Variants in CNTLN observed in about 807,000 individuals in gnomAD.
CNTLN encodes the protein centlein.
Under a neutral mutation model 180.0 loss-of-function variants are expected in CNTLN, and 212 were observed. That is an observed-to-expected ratio of 1.18 (90% CI 1.05 to 1.32). The LOEUF is 1.32. Among genes scored for constraint, CNTLN ranks in the 40% most tolerant of loss-of-function variants. CNTLN has a pLI of 0.00. For synonymous variants in CNTLN, 722 were observed against 563.1 expected (o/e 1.28, Z -3.99); for missense variants, 2,095 against 1,610.9 (o/e 1.30, Z -5.14).
At chr9:17,224,174 A>G (rs1280607546) in intron 2 of CNTLN, among the ~76,000 whole-genome samples, 1 of 152,004 alleles carries the variant, frequency 6.6e-6, no homozygotes, top group Non-Finnish European at 1.5e-5. Flanking sequence ...TATTATACTG[A>G]TAGCAATTTG....
chr9:17,470,886 A>T (rs1461233816), intron 23 of CNTLN, among the ~76,000 whole-genome samples: 1 of 152,080 alleles, frequency 6.6e-6, no homozygotes, highest in Non-Finnish European at 1.5e-5. Flanking sequence ...TTTGGTATAT[A>T]AATTTCTTGC....
intron 18 of CNTLN, among the ~76,000 whole-genome samples, chr9:17,418,155 G>A (rs568774576): frequency 2.0e-5 from 3 of 151,752 alleles, no homozygotes; most frequent in Non-Finnish European, 2.9e-5. Flanking sequence ...TGATAGAAAG[G>A]TCCAAGAACA....
chr9:17,412,860 C>T (rs1365491734), intron 16 of CNTLN, among the ~76,000 whole-genome samples: 1 of 151,824 alleles, frequency 6.6e-6, no homozygotes, highest in Non-Finnish European at 1.5e-5. Context: ...TATGGACAGG[C>T]CTAAAACAAA....
At chr9:17,392,607 A>G (rs1826195615) in intron 14 of CNTLN, among the ~76,000 whole-genome samples, 2 of 152,180 alleles carry the variant, frequency 1.3e-5, no homozygotes, top group Non-Finnish European at 1.5e-5. Context: ...TTTTTCAGAT[A>G]CCTTTATTCC....
At chr9:17,221,555 T>A (rs1381207881) in intron 2 of CNTLN, among the ~76,000 whole-genome samples, 1 of 152,076 alleles carries the variant, frequency 6.6e-6, no homozygotes, top group Non-Finnish European at 1.5e-5. Context: ...TTTGCAAAAT[T>A]TCCAGTGTGG....
Position 17,466,347 on chromosome 9 carries a change from A to C in CNTLN, c.3669+229A>C, listed in dbSNP as rs1260857801. Among the ~76,000 whole-genome samples, 4 of 151,588 alleles carry C rather than the reference A, an allele frequency of 2.6e-5. No individual in the cohort carries two copies. In the East Asian group the frequency reaches 5.8e-4, roughly 22 times the overall value. ...TGTTTGTCTTGATAGTTTTTAAGAA[A>C]TGAAAACTATTATTGAACACTGGTA... On this transcript the variant is annotated intron_variant, in intron 22 of 25. Transcript: ENST00000380647.
chr9:17,357,599 CT>C (rs1361569586), intron 12 of CNTLN, among the ~76,000 whole-genome samples: 3 of 144,216 alleles, frequency 2.1e-5, no homozygotes, highest in South Asian at 4.4e-4. Flanking sequence ...TATATAAATA[CT>C]ACATATATAT....
chr9:17,513,400 A>T, the CNTLN span, among the ~76,000 whole-genome samples: 11 of 152,304 alleles, frequency 7.2e-5, no homozygotes, highest in South Asian at 1.0e-3. Context: ...GAACTTAAGA[A>T]ATATAAAATA....
chr9:17,280,487 C>G (rs1181199587), intron 6 of CNTLN, among the ~76,000 whole-genome samples: 1 of 152,012 alleles, frequency 6.6e-6, no homozygotes, highest in African/African-American at 2.4e-5. Context: ...TTTACATAGC[C>G]TAGTAAACAG....
chr9:17,174,156 TG>T (rs1207973940), intron 2 of CNTLN, among the ~76,000 whole-genome samples: 1 of 152,254 alleles, frequency 6.6e-6, no homozygotes, highest in African/African-American at 2.4e-5. Flanking sequence ...TTCAAATTTT[TG>T]TATATATCAG....
chr9:17,223,041 A>G (rs1238509974), intron 2 of CNTLN, among the ~76,000 whole-genome samples: 4 of 152,050 alleles, frequency 2.6e-5, no homozygotes, highest in African/African-American at 9.7e-5. Context: ...AACCATGGAT[A>G]GCACTGAACC....
intron 7 of CNTLN, among the ~76,000 whole-genome samples, chr9:17,304,572 A>G (rs957635163): frequency 7.9e-5 from 12 of 152,176 alleles, no homozygotes; most frequent in Non-Finnish European, 1.3e-4. Flanking sequence ...ATTTTTGGCT[A>G]TAAATAGTAC....
At chr9:17,163,716 G>A (rs1819845297) in intron 2 of CNTLN, among the ~76,000 whole-genome samples, 1 of 152,150 alleles carries the variant, frequency 6.6e-6, no homozygotes, top group Non-Finnish European at 1.5e-5. Context: ...GAATAAATAA[G>A]TGTATTTGCA....
intron 5 of CNTLN, among the ~76,000 whole-genome samples, chr9:17,250,496 A>G (rs757085107): frequency 6.6e-6 from 1 of 151,750 alleles, no homozygotes; most frequent in African/African-American, 2.4e-5. Flanking sequence ...TTGTTTGTTT[A>G]GTATATATGT....
intron 3 of CNTLN, 90 bp from the exon 4 acceptor site, chr9:17,235,568 A>T (rs1399646116): frequency 1.0e-5 from 11 of 1,052,440 alleles, no homozygotes; most frequent in Non-Finnish European, 1.5e-5. Flanking sequence ...TAATCATCAC[A>T]TTAGCAAATC....
chr9:17,463,955 C>T (rs1444961640), intron 20 of CNTLN, among the ~76,000 whole-genome samples: 1 of 133,832 alleles, frequency 7.5e-6, no homozygotes, highest in Non-Finnish European at 1.7e-5. Flanking sequence ...GCAGCAGCAG[C>T]AGTAGCAGTG....
In CNTLN at chr9:17,462,940, CA is replaced by C; in HGVS notation, c.3332del (p.Gln1111ArgfsTer5). On this transcript the variant is annotated frameshift_variant, in exon 20 of 26. Coordinates refer to ENST00000380647, the MANE Select transcript of CNTLN (RefSeq NM_017738.4). LOFTEE classifies it high-confidence loss of function. ...GAATGCTACTAATGAACTCACTAAA[CA>C]GTCATCAAATGTGAAGACTTTGAAA... ...LKNATNELTK[Q>X]SSNVKTLKFE... is the part of the protein sequence containing the mutation. The C allele has an allele frequency of 6.4e-7, 1 of 1,572,740 alleles. No individual in the cohort carries two copies. Among genetic ancestry groups the C allele is most frequent in the Non-Finnish European group, 8.6e-7 (1 of 1,161,196 alleles).
At chr9:17,295,336 A>G (rs10963011) in intron 6 of CNTLN, among the ~76,000 whole-genome samples, 30,361 of 152,178 alleles carry the variant, frequency 0.2, 3,747 homozygotes, top group African/African-American at 0.34. Context: ...GCCGAGGCCA[A>G]GGTGGCGCGG....
the CNTLN span, among the ~76,000 whole-genome samples, chr9:17,509,853 C>A: frequency 2.0e-5 from 3 of 152,106 alleles, no homozygotes; most frequent in Non-Finnish European, 4.4e-5. Flanking sequence ...GATGCTTCCA[C>A]CAGGAGACAC....
Sources: allele counts gnomAD v4.1 joint callset (sites outside exome capture counted in the v4.1 genomes callset), GRCh38; gene constraint gnomAD v4.1.1; transcripts MANE v1.5; gene names NCBI Gene and HGNC (gene_info 2026-07-23, HGNC 2026-07-21).